DNAH11: variants seen among roughly 807,000 people sequenced by gnomAD.
The protein encoded by DNAH11 is dynein axonemal heavy chain 11.
Under a neutral mutation model 526.0 loss-of-function variants are expected in DNAH11, and 442 were observed. The observed-to-expected ratio is 0.84, with a 90% CI of 0.78 to 0.91. The LOEUF (loss-of-function observed/expected upper bound fraction) is 0.91, where lower values mean the gene tolerates loss of function less well. Ranked by LOEUF, DNAH11 falls within the 40% of genes least tolerant of loss-of-function variation. The probability of loss-of-function intolerance (pLI) is 0.00; values close to 1 mark genes in which losing one functional copy is unlikely to be tolerated. For synonymous variants in DNAH11, 2,461 were observed against 1,935.9 expected, an observed-to-expected ratio of 1.27 and a Z score of -7.12; for missense variants, 6,989 against 5,448.7, an observed-to-expected ratio of 1.28 and a Z score of -8.90.
chr7:21,838,625 A>G (rs953944004), intron 65 of DNAH11, among the ~76,000 whole-genome samples: 4 of 152,212 alleles, frequency 2.6e-5, no homozygotes, highest in African/African-American at 9.6e-5. Context: ...AGCATGTATC[A>G]ATACTTCATT....
chr7:21,848,404 G>C (rs781088033), intron 66 of DNAH11, among the ~76,000 whole-genome samples: 1 of 150,548 alleles, frequency 6.6e-6, no homozygotes, highest in Non-Finnish European at 1.5e-5. Flanking sequence ...GATAGGTCTT[G>C]TTTTTTATCT....
intron 29 of DNAH11, among the ~76,000 whole-genome samples, chr7:21,658,187 G>T (rs1782098243): frequency 6.6e-6 from 1 of 151,922 alleles, no homozygotes; most frequent in African/African-American, 2.4e-5. Flanking sequence ...ATTTTTACAA[G>T]TCAGCAGTTG....
chr7:21,793,629 AAAG>A (rs1480801659), intron 61 of DNAH11, among the ~76,000 whole-genome samples: 1 of 152,084 alleles, frequency 6.6e-6, no homozygotes, highest in African/African-American at 2.4e-5. Context: ...AAAAAAAAAA[AAAG>A]AATTTGTATT....
rs1256303434 is a variant in DNAH11 at position 21,698,112 on chromosome 7, T to G, written c.6079T>G (p.Cys2027Gly). ...GGTGGCCCCTGACATTGAGCTAATC[T>G]GTGAAATCTTGTTAGTTGCTGAAGG... ...AMVAPDIELI[C>G]EILLVAEGFV... Residue 2027 changes from cysteine (C) to glycine (G), a missense_variant, in exon 36 of 82, where the codon TGT (cysteine) becomes GGT (glycine). Cys to Gly is a radical substitution (Grantham distance 159, BLOSUM62 -3). Coordinates refer to ENST00000409508, the MANE Select transcript of DNAH11 (RefSeq NM_001277115.2). 6.2e-7 allele frequency: 1 copy of G among 1,613,432 alleles called. No individual in the cohort carries two copies. The highest frequency in any genetic ancestry group is 8.5e-7 in the Non-Finnish European group (1 of 1,179,686).
chr7:21,793,880 A>C (rs1327687263), intron 61 of DNAH11, among the ~76,000 whole-genome samples: 1 of 151,754 alleles, frequency 6.6e-6, no homozygotes, highest in Non-Finnish European at 1.5e-5. Flanking sequence ...CTCTTTTTAA[A>C]CTCCCTCTTG....
At chr7:21,604,510 T>A (rs1237430471) in intron 18 of DNAH11, among the ~76,000 whole-genome samples, 3 of 151,950 alleles carry the variant, frequency 2.0e-5, no homozygotes, top group Admixed American at 6.6e-5. Flanking sequence ...GCTCACACAC[T>A]CACACCATCC....
At chr7:21,827,201 G>A (rs1479070645) in intron 65 of DNAH11, among the ~76,000 whole-genome samples, 1 of 152,120 alleles carries the variant, frequency 6.6e-6, no homozygotes, top group Non-Finnish European at 1.5e-5. Context: ...CAACAGCTGG[G>A]TAATTACAAA....
At chr7:21,818,022 C>T (rs552023929) in intron 64 of DNAH11, among the ~76,000 whole-genome samples, 195 bp from the exon 65 acceptor site, 47 of 152,224 alleles carry the variant, frequency 3.1e-4, no homozygotes, top group African/African-American at 1.1e-3. Flanking sequence ...GAAAATATGA[C>T]TAAAATGTAT....
At chr7:21,557,704 A>G (rs1783275312) in intron 2 of DNAH11, among the ~76,000 whole-genome samples, 1 of 152,332 alleles carries the variant, frequency 6.6e-6, no homozygotes, top group South Asian at 2.1e-4. Flanking sequence ...TTTCATCTTA[A>G]AGATTCAAAC....
chr7:21,862,212 C>T (rs1261327059), intron 69 of DNAH11, among the ~76,000 whole-genome samples, 189 bp downstream of exon 69: 1 of 151,768 alleles, frequency 6.6e-6, no homozygotes, highest in African/African-American at 2.4e-5. Flanking sequence ...TCCTAGGTCC[C>T]AGTGCTTTGG....
Position 21,818,244 on chromosome 7 carries a change from G to T in DNAH11, c.10596G>T (p.Leu3532Phe). The change falls in exon 65 of 82, where the codon TTG becomes TTT. Residue 3532 changes from leucine to phenylalanine, a missense_variant. Coordinates refer to ENST00000409508, the MANE Select transcript of DNAH11 (RefSeq NM_001277115.2). ...TTTTGAATGCCATTGAAACTGCTTTGGCCTTTGGTGATGTCATCTTAATTG... is the reference window on the plus strand; with the variant it reads ...TTTTGAATGCCATTGAAACTGCTTTTGCCTTTGGTGATGTCATCTTAATTG... ...KGFLNAIETA[L>F]AFGDVILIEN... 1 of 1,611,876 alleles carries T rather than the reference G, an allele frequency of 6.2e-7. No homozygotes were observed. The highest frequency in any genetic ancestry group is 8.5e-7 in the Non-Finnish European group (1 of 1,178,924).
In DNAH11 at chr7:21,749,684, C is replaced by G. The variant is rs778125255; in HGVS notation, c.8680C>G (p.Leu2894Val). The G allele has an allele frequency of 1.4e-5, 23 of 1,613,758 alleles. No homozygotes were observed. The highest frequency in any genetic ancestry group is 6.7e-5 in the Admixed American group (4 of 59,982). ...TGATGGCCTTTCCTTACAGGTAGATCTTGCCAATTTGTACATCCGAACTGG... is the reference window on the plus strand; with the variant it reads ...TGATGGCCTTTCCTTACAGGTAGATGTTGCCAATTTGTACATCCGAACTGG... Reference protein sequence around the residue: ...GYGIQELRVDLANLYIRTGAK... With the variant: ...GYGIQELRVDVANLYIRTGAK... The change falls in exon 53 of 82, where the codon CTT (leucine) becomes GTT (valine). Residue 2894 changes from leucine to valine, a missense_variant. Physicochemically the swap from Leu to Val is conservative, Grantham distance 32. Transcript: ENST00000409508.
chr7:21,777,616 G>C (rs1787735880), intron 56 of DNAH11, among the ~76,000 whole-genome samples: 1 of 152,146 alleles, frequency 6.6e-6, no homozygotes, highest in Non-Finnish European at 1.5e-5. Context: ...CATTCTAATA[G>C]GCGTGTAGTG....
In DNAH11 at chr7:21,765,500, T is replaced by C. The variant is rs369196786; in HGVS notation, c.9013T>C (p.Cys3005Arg). ...TCGGAAGTTCCCAGCCATAGTTAAC[T>C]GCACGGCTATTGACTGGTTTCATGC... ...RARKFPAIVN[C>R]TAIDWFHAWP... Residue 3005 changes from cysteine to arginine, a missense_variant, in exon 55 of 82, where the codon TGC becomes CGC. Cys to Arg is a radical substitution (Grantham distance 180). Transcript: ENST00000409508. 72 of 1,613,924 alleles carry C rather than the reference T, an allele frequency of 4.5e-5. No individual in the cohort carries two copies. Among genetic ancestry groups the C allele is most frequent in the Non-Finnish European group, 6.0e-5 (71 of 1,179,836 alleles).
At chr7:21,606,970 A>T (rs192400823) in intron 20 of DNAH11, among the ~76,000 whole-genome samples, 1 of 152,252 alleles carries the variant, frequency 6.6e-6, no homozygotes, top group African/African-American at 2.4e-5. Flanking sequence ...GACTAGTAGG[A>T]TAGATGTATA....
chr7:21,564,051 T>C, intron 5 of DNAH11, 135 bp from the exon 6 acceptor site: 1 of 586,374 alleles, frequency 1.7e-6, no homozygotes, highest in East Asian at 2.9e-5. Flanking sequence ...GTAGGATAAG[T>C]AATATAAAAG....
At chr7:21,543,726 C>T in intron 1 of DNAH11, 130 bp downstream of exon 1, 2 of 952,498 alleles carry the variant, frequency 2.1e-6, no homozygotes, top group Non-Finnish European at 3.1e-6. Context: ...TTGAAGTCCC[C>T]ATCCTGAGGC....
intron 6 of DNAH11, among the ~76,000 whole-genome samples, chr7:21,567,560 T>C (rs533665518): frequency 6.6e-6 from 1 of 152,322 alleles, no homozygotes; most frequent in African/African-American, 2.4e-5. Context: ...CTACAGTGCT[T>C]GCACCATCCC....
intron 28 of DNAH11, among the ~76,000 whole-genome samples, chr7:21,652,516 A>G (rs1781824897): frequency 6.6e-6 from 1 of 152,112 alleles, no homozygotes; most frequent in African/African-American, 2.4e-5. Flanking sequence ...GTGTTTTAAA[A>G]TGCAGTTGAC....
Sources: allele counts gnomAD v4.1 joint callset (sites outside exome capture counted in the v4.1 genomes callset), GRCh38; gene constraint gnomAD v4.1.1; transcripts MANE v1.5; gene names NCBI Gene and HGNC (gene_info 2026-07-23, HGNC 2026-07-21).